Variants in TPTE observed in about 807,000 individuals in gnomAD.
The protein encoded by TPTE is putative tyrosine-protein phosphatase TPTE.
Under a neutral mutation model 84.1 loss-of-function variants are expected in TPTE, and 59 were observed. The ratio of observed to expected loss-of-function variants is 0.70; its 90% CI spans 0.57 to 0.87. The LOEUF (loss-of-function observed/expected upper bound fraction) is 0.87, where lower values mean the gene tolerates loss of function less well. TPTE is among the 40% of genes least tolerant of loss of function. The pLI, the probability that TPTE is intolerant of heterozygous loss-of-function variation, is 0.00. For synonymous variants in TPTE, 130 were observed against 223.5 expected (o/e 0.58, Z 3.73); for missense variants, 382 against 659.6 (o/e 0.58, Z 4.61).
chr21:10,523,759 C>T (rs563057247), intron 1 of TPTE, among the ~76,000 whole-genome samples: 76 of 152,394 alleles, frequency 5.0e-4, no homozygotes, highest in African/African-American at 1.7e-3. Context: ...AGTAAACATA[C>T]GTGTGCATGT....
At chr21:10,582,242 A>T (rs1445601069) in intron 17 of TPTE, among the ~76,000 whole-genome samples, 2 of 152,298 alleles carry the variant, frequency 1.3e-5, no homozygotes, top group African/African-American at 4.8e-5. Flanking sequence ...TTTCATATAG[A>T]TAGCCAATTG....
Position 10,551,558 on chromosome 21 carries a change from A to G in TPTE, c.174-1099A>G, listed in dbSNP as rs370248565. ...GTAAGAACAAACCAAACCCCAAATT[A>G]TTAAAAGGAAATAAATAATGAAGAC... On this transcript the variant is annotated intron_variant, in intron 7 of 23. Transcript: ENST00000618007. Among the ~76,000 whole-genome samples the G allele has an allele frequency of 1.1e-3, 172 of 152,308 alleles. No individual in the cohort carries two copies. In the East Asian group the frequency reaches 0.024, roughly 21 times the overall value.
intron 17 of TPTE, among the ~76,000 whole-genome samples, chr21:10,579,865 G>T (rs1259754251): frequency 6.6e-6 from 1 of 152,310 alleles, no homozygotes; most frequent in Non-Finnish European, 1.5e-5. Context: ...CATTTCCTTT[G>T]GATATATACC....
At chr21:10,549,767 A>G (rs1426178859) in intron 7 of TPTE, among the ~76,000 whole-genome samples, 2 of 152,310 alleles carry the variant, frequency 1.3e-5, no homozygotes, top group African/African-American at 2.4e-5. Flanking sequence ...TGAGGAAAAC[A>G]TATTTAATAA....
chr21:10,536,748 A>G (rs1212487136), intron 3 of TPTE, among the ~76,000 whole-genome samples: 1 of 152,312 alleles, frequency 6.6e-6, no homozygotes, highest in African/African-American at 2.4e-5. Flanking sequence ...ATTAAATTGG[A>G]TAAAAAAGGA....
chr21:10,539,345 A>G (rs1418466206), intron 4 of TPTE, among the ~76,000 whole-genome samples: 1 of 152,310 alleles, frequency 6.6e-6, no homozygotes, highest in Non-Finnish European at 1.5e-5. Context: ...CAAGCACACC[A>G]CCTCATTGGA....
Position 10,542,463 on chromosome 21 carries a change from G to A in TPTE, c.119+15G>A. 1.9e-6 allele frequency: 3 copies of A among 1,609,388 alleles called. No homozygotes were observed. Among genetic ancestry groups the A allele is most frequent in the East Asian group, 2.2e-5 (1 of 44,730 alleles). ...GCGAAAGAAAGGTGAGCAATAAATA[G>A]TTAAAGTCACCCGTCAGCATAAGTG... On this transcript the variant is annotated intron_variant, in intron 6 of 23. Coordinates refer to ENST00000618007, the MANE Select transcript of TPTE (RefSeq NM_199261.4).
intron 14 of TPTE, among the ~76,000 whole-genome samples, chr21:10,573,611 T>C (rs1334210007): frequency 6.6e-6 from 1 of 152,276 alleles, no homozygotes; most frequent in African/African-American, 2.4e-5. Flanking sequence ...TTTGAGGTGA[T>C]AGATATGCTG....
chr21:10,585,838 C>G (rs368157753), intron 17 of TPTE, among the ~76,000 whole-genome samples: 1 of 152,308 alleles, frequency 6.6e-6, no homozygotes. Flanking sequence ...CAGCATTTGT[C>G]CATTTAATCT....
intron 3 of TPTE, among the ~76,000 whole-genome samples, chr21:10,529,267 T>A (rs1380368248): frequency 1.3e-5 from 2 of 152,300 alleles, no homozygotes; most frequent in African/African-American, 4.8e-5. Flanking sequence ...ATGTGTGATA[T>A]CTAAAAGTTC....
intron 14 of TPTE, 98 bp from the exon 15 acceptor site, chr21:10,577,362 A>G (rs902249840): frequency 2.7e-5 from 43 of 1,604,574 alleles, no homozygotes; most frequent in Non-Finnish European, 3.5e-5. Context: ...CTAGTGAGAG[A>G]CAAATTAATA....
intron 7 of TPTE, among the ~76,000 whole-genome samples, chr21:10,550,282 T>G (rs1284078546): frequency 6.6e-6 from 1 of 152,308 alleles, no homozygotes. Context: ...ATGAAGGATA[T>G]AGACTTACTG....
At chr21:10,596,370 G>C (rs2075589433) in intron 20 of TPTE, among the ~76,000 whole-genome samples, 1 of 152,312 alleles carries the variant, frequency 6.6e-6, no homozygotes, top group Non-Finnish European at 1.5e-5. Flanking sequence ...TCTCAACCCA[G>C]GCGGACTTTT....
chr21:10,574,700 G>C (rs1432572395), intron 14 of TPTE, among the ~76,000 whole-genome samples: 3 of 152,308 alleles, frequency 2.0e-5, no homozygotes, highest in Admixed American at 2.0e-4. Flanking sequence ...GGAGCCAAAG[G>C]AACCCCCACT....
intron 10 of TPTE, among the ~76,000 whole-genome samples, chr21:10,562,197 A>G (rs1337401392): frequency 6.6e-6 from 1 of 152,308 alleles, no homozygotes; most frequent in African/African-American, 2.4e-5. Context: ...GTGCCCCCTA[A>G]AGCAGATAGA....
chr21:10,598,367 C>T (rs984273171), intron 21 of TPTE, among the ~76,000 whole-genome samples: 3 of 152,306 alleles, frequency 2.0e-5, no homozygotes, highest in Non-Finnish European at 2.9e-5. Context: ...TGAGCGTGTT[C>T]CCAGGAATGT....
intron 17 of TPTE, among the ~76,000 whole-genome samples, chr21:10,579,019 A>G (rs1336312485): frequency 2.0e-5 from 3 of 152,312 alleles, no homozygotes; most frequent in African/African-American, 4.8e-5. Context: ...GGTGTACAAC[A>G]TGATGTTTTG....
At chr21:10,587,696 C>T (rs189357998) in intron 17 of TPTE, among the ~76,000 whole-genome samples, 208 of 152,050 alleles carry the variant, frequency 1.4e-3, no homozygotes, top group African/African-American at 5.0e-3. Context: ...ATTACAAGCG[C>T]CTGCCACCAC....
chr21:10,565,658 A>C (rs1035063576), intron 10 of TPTE, among the ~76,000 whole-genome samples: 2 of 152,270 alleles, frequency 1.3e-5, no homozygotes, highest in Non-Finnish European at 2.9e-5. Context: ...AAAAACAGAC[A>C]CACAGACCAC....
Sources: allele counts gnomAD v4.1 joint callset (sites outside exome capture counted in the v4.1 genomes callset), GRCh38; gene constraint gnomAD v4.1.1; transcripts MANE v1.5; gene names NCBI Gene and HGNC (gene_info 2026-07-23, HGNC 2026-07-21).